The following SH3GLB2 variants were observed in gnomAD, a reference collection of about 807,000 sequenced individuals.
SH3GLB2 encodes the protein SH3 domain containing GRB2 like, endophilin B2, also known as endophilin-B2.
In SH3GLB2, 24 loss-of-function variants were observed where a neutral mutation model predicts 48.0. The ratio of observed to expected loss-of-function variants is 0.50; its 90% confidence interval spans 0.36 to 0.70. The LOEUF (loss-of-function observed/expected upper bound fraction) is 0.70. Ranked by LOEUF, SH3GLB2 falls within the 30% of genes least tolerant of loss-of-function variation. The pLI is 0.00. For synonymous variants in SH3GLB2, 227 were observed against 207.6 expected (o/e 1.09, Z -0.80); for missense variants, 425 against 516.0 (o/e 0.82, Z 1.71).
intron 5 of SH3GLB2, chr9:129,013,082 G>A: frequency 2.6e-6 from 4 of 1,545,484 alleles, no homozygotes; most frequent in Non-Finnish European, 3.5e-6. Context: ...TGAGTCCACA[G>A]CGCAGGCAGG....
rs1842852977 is a variant in SH3GLB2, at chr9:129,007,876, C to T, written c.*808G>A. The T allele has an allele frequency of 6.6e-6, 1 of 152,192 alleles. No homozygotes were observed. Among genetic ancestry groups the T allele is most frequent in the African/African-American group, 2.4e-5 (1 of 41,434 alleles). The allele number at this position is 152,192 out of a possible 1,614,324, so 9.4% of individuals were successfully genotyped here. On this transcript the variant is annotated 3_prime_UTR_variant, in exon 11 of 11. Coordinates refer to ENST00000372564, the MANE Select transcript of SH3GLB2 (RefSeq NM_020145.4). ...GCACTGCCCTCTGAGAGGCACAGGC[C>T]CCGCAGAAGACAGGGAGGGCTGCAC...
intron 3 of SH3GLB2, among the ~76,000 whole-genome samples, chr9:129,019,114 C>T (rs759908955): frequency 6.6e-6 from 1 of 150,744 alleles, no homozygotes; most frequent in South Asian, 2.1e-4. Flanking sequence ...GGGCCGGGCA[C>T]GGTGGCACAC....
At position 129,014,894 on chromosome 9, in the gene SH3GLB2, C is replaced by T; in HGVS notation, c.345G>A (p.Leu115=). 1 of 1,613,742 alleles carries T rather than the reference C, an allele frequency of 6.2e-7. No homozygotes were observed. ...LGPTTPYGKT[L]IKVAEAEKQL... ...GCTTTTCAGCTTCTGCCACCTTGATCAGTGTCTTCCCTGAGAAAACAGAGT... is the reference window on the plus strand; with the variant it reads ...GCTTTTCAGCTTCTGCCACCTTGATTAGTGTCTTCCCTGAGAAAACAGAGT... The change falls in exon 4 of 11, where the codon CTG becomes CTA. Residue 115 remains leucine, a synonymous_variant. Transcript: ENST00000372564. This position sits in a 1 kb window ranked among gnomAD's most constrained non-coding sequence, Gnocchi z 4.1.
rs1397732185 is a variant in SH3GLB2, at chr9:129,007,619, G to GTC, written c.*1063_*1064dup. On this transcript the variant is annotated 3_prime_UTR_variant, in exon 11 of 11. Transcript: ENST00000372564. The stretch of plus-strand genomic sequence containing the variant: ...ACTGTGGTCCCTTGAGGAGCTGACT[G>GTC]TCTTGCTGATCTCATCTGTGAAATG... 1.3e-5 allele frequency: 2 copies of GTC among 152,212 alleles called. No individual in the cohort carries two copies. Among genetic ancestry groups the GTC allele is most frequent in the African/African-American group, 4.8e-5 (2 of 41,454 alleles). 9.4% of individuals were successfully genotyped at this position (152,212 alleles called of 1,614,324 possible). A position where few individuals can be genotyped will look rare whatever the true frequency, so the allele number is the denominator to read the frequency against.
At chr9:129,019,192 C>A (rs1843629002) in intron 3 of SH3GLB2, among the ~76,000 whole-genome samples, 1 of 151,418 alleles carries the variant, frequency 6.6e-6, no homozygotes, top group Non-Finnish European at 1.5e-5. Context: ...TTGAGATCAG[C>A]CTGGGCAACA....
chr9:129,015,385 T>C (rs911096226), intron 3 of SH3GLB2, among the ~76,000 whole-genome samples: 1 of 152,116 alleles, frequency 6.6e-6, no homozygotes, highest in Non-Finnish European at 1.5e-5. Context: ...AAAACATCCA[T>C]TTCTGGACTC....
At position 129,011,081 on chromosome 9, in the gene SH3GLB2, C is replaced by A; in HGVS notation, c.625-388G>T. 1 of 231,012 alleles carries A rather than the reference C, an allele frequency of 4.3e-6. No homozygotes were observed. The allele number at this position is 231,012 out of a possible 1,614,324, so 14.3% of individuals were successfully genotyped here. On this transcript the variant is annotated intron_variant, in intron 6 of 10. Coordinates refer to ENST00000372564, the MANE Select transcript of SH3GLB2 (RefSeq NM_020145.4). This position sits in a 1 kb window ranked among gnomAD's most constrained non-coding sequence, Gnocchi z 4.5. ...GCCAGTCACTGAAGCTTTCTGTCCTCTGGCAGAGAAAGGTGGCCTCGTGCT... is the reference window on the plus strand; with the variant it reads ...GCCAGTCACTGAAGCTTTCTGTCCTATGGCAGAGAAAGGTGGCCTCGTGCT...
chr9:129,022,210 CA>C, intron 2 of SH3GLB2, 71 bp downstream of exon 2: 2 of 1,572,518 alleles, frequency 1.3e-6, no homozygotes, highest in Non-Finnish European at 1.7e-6. Context: ...TATGCCACAA[CA>C]GGGCCAGGCC....
Position 129,021,412 on chromosome 9 carries a change from C to T in SH3GLB2, c.206-193G>A, listed in dbSNP as rs148931035. On this transcript the variant is annotated intron_variant, in intron 2 of 10. Coordinates refer to ENST00000372564, the MANE Select transcript of SH3GLB2 (RefSeq NM_020145.4). ...CTATACAGAGGAGGAAGCCAGGGCC[C>T]GTCCACTTCTCCCTTATTAATATGA... Among the ~76,000 whole-genome samples, 557 of 152,256 alleles carry T rather than the reference C, an allele frequency of 3.7e-3. 5 individuals are homozygous for T. The highest frequency in any genetic ancestry group is 0.013 in the African/African-American group (522 of 41,528).
rs569992983 is a variant in SH3GLB2, at chr9:129,014,185, G to C, written c.561+226C>G. On this transcript the variant is annotated intron_variant, in intron 5 of 10. Transcript: ENST00000372564. The surrounding 1 kb of genome is among the most constrained non-coding windows in gnomAD (Gnocchi z 4.1). ...GTGCACCCAGCTGGGGGCACTGCTGGTCCGCCCACACCGTAGATATCTCCC... is the reference window on the plus strand; with the variant it reads ...GTGCACCCAGCTGGGGGCACTGCTGCTCCGCCCACACCGTAGATATCTCCC... Among the ~76,000 whole-genome samples, 1 of 152,198 alleles carries C rather than the reference G, an allele frequency of 6.6e-6. No individual in the cohort carries two copies. Among genetic ancestry groups the C allele is most frequent in the South Asian group, 2.1e-4 (1 of 4,824 alleles).
At chr9:129,012,960 A>C in intron 5 of SH3GLB2, 1 of 1,550,774 alleles carries the variant, frequency 6.4e-7, no homozygotes, top group Non-Finnish European at 8.7e-7. Flanking sequence ...TCCACGGGCA[A>C]GATGGGCAGA....
rs1295290091 is a variant in SH3GLB2 at position 129,009,886 on chromosome 9, C to A, written c.739-15G>T. 1 of 1,609,686 alleles carries A rather than the reference C, an allele frequency of 6.2e-7. No individual in the cohort carries two copies. Among genetic ancestry groups the A allele is most frequent in the Non-Finnish European group, 8.5e-7 (1 of 1,177,160 alleles). On this transcript the variant is annotated splice_polypyrimidine_tract_variant and intron_variant, in intron 8 of 10. Transcript: ENST00000372564. ...AGGTGGTTCACCTGCGGGGAAGAGG[C>A]CAGAGGCTGACTTCTAACCTCCCGC...
intron 9 of SH3GLB2, 132 bp downstream of exon 9, chr9:129,009,630 GCCCGCACCC>G: frequency 7.2e-7 from 1 of 1,381,210 alleles, no homozygotes. Flanking sequence ...CACATGAGAT[GCCCGCACCC>G]AGAGTGGGTT....
rs1425152553 is a variant in SH3GLB2, at chr9:129,014,613, AG to A, written c.469-111del. The A allele has an allele frequency of 1.3e-6, 2 of 1,488,312 alleles. No individual in the cohort carries two copies. Among genetic ancestry groups the A allele is most frequent in the Admixed American group, 3.7e-5 (2 of 53,480 alleles). 92.2% of individuals were successfully genotyped at this position (1,488,312 alleles called of 1,614,324 possible). A position where few individuals can be genotyped will look rare whatever the true frequency, so the allele number is the denominator to read the frequency against. ...CGATCAAGTCAAGATAGGGAAACTG[AG>A]GCCCAGAGATAGGAGGTCACTCAGT... is the stretch of plus-strand genomic sequence containing the variant. On this transcript the variant is annotated intron_variant, in intron 4 of 10. Transcript: ENST00000372564. This position sits in a 1 kb window ranked among gnomAD's most constrained non-coding sequence, Gnocchi z 4.1.
intron 5 of SH3GLB2, chr9:129,013,676 C>T: frequency 5.4e-6 from 1 of 186,326 alleles, no homozygotes; most frequent in Non-Finnish European, 1.1e-5. Flanking sequence ...AATCAGCTGG[C>T]AGCCACAGGT....
chr9:129,015,322 C>A (rs991397427), intron 3 of SH3GLB2, among the ~76,000 whole-genome samples: 3 of 152,080 alleles, frequency 2.0e-5, no homozygotes, highest in Non-Finnish European at 4.4e-5. Context: ...CATAGGGAGA[C>A]CTTATCTCTT....
rs950927851 is a variant in SH3GLB2, at chr9:129,021,076, G to A, written c.334+15C>T. 3.8e-6 allele frequency: 6 copies of A among 1,577,204 alleles called. No individual in the cohort carries two copies. Among genetic ancestry groups the A allele is most frequent in the East Asian group, 2.3e-5 (1 of 43,326 alleles). On this transcript the variant is annotated intron_variant, in intron 3 of 10. Transcript: ENST00000372564. The stretch of plus-strand genomic sequence containing the variant: ...AGACCATGACCCCTAGTCCCTGGCT[G>A]TGAGGCCTGCTCACCATAGGGGGTG...
intron 1 of SH3GLB2, among the ~76,000 whole-genome samples, chr9:129,022,880 G>C (rs924806221): frequency 2.0e-5 from 3 of 152,190 alleles, no homozygotes; most frequent in Admixed American, 1.3e-4. Context: ...GCTAGGGAGA[G>C]GGTGCCAGAG....
chr9:129,016,724 C>A (rs79335418), intron 3 of SH3GLB2, among the ~76,000 whole-genome samples: 1 of 151,686 alleles, frequency 6.6e-6, no homozygotes, highest in Admixed American at 6.6e-5. Flanking sequence ...GCAGTAACCA[C>A]GAGAGAGTTA....
Sources: allele counts gnomAD v4.1 joint callset (sites outside exome capture counted in the v4.1 genomes callset), GRCh38; gene constraint gnomAD v4.1.1; non-coding constraint Gnocchi (gnomAD v3.1); transcripts MANE v1.5; gene names NCBI Gene and HGNC (gene_info 2026-07-23, HGNC 2026-07-21).